Variants in TAOK1 observed in about 807,000 individuals in gnomAD.
TAOK1 encodes the protein TAO kinase 1.
In TAOK1, 21 loss-of-function variants were observed where a neutral mutation model predicts 138.3. That is an observed-to-expected ratio of 0.15 (90% CI 0.11 to 0.22). TAOK1 has a LOEUF of 0.22. Among genes scored for constraint, TAOK1 ranks in the 10% least tolerant of loss-of-function variants. TAOK1 has a pLI of 1.00. For synonymous variants in TAOK1, 361 were observed against 398.4 expected (o/e 0.91, Z 1.12); for missense variants, 651 against 1,227.7 (o/e 0.53, Z 7.02).
At chr17:29,516,251 G>C (rs544765765) in intron 15 of TAOK1, among the ~76,000 whole-genome samples, 1 of 151,970 alleles carries the variant, frequency 6.6e-6, no homozygotes, top group African/African-American at 2.4e-5. Flanking sequence ...GTGAGCCACC[G>C]CGCCCAGCCA....
At chr17:29,400,005 T>C (rs1297106866) in intron 1 of TAOK1, among the ~76,000 whole-genome samples, 2 of 152,162 alleles carry the variant, frequency 1.3e-5, no homozygotes, top group African/African-American at 4.8e-5. Context: ...GTGGTGAGAT[T>C]ATACACAGGA....
At chr17:29,507,810 A>G in intron 13 of TAOK1, 86 bp from the exon 14 acceptor site, 3 of 1,186,432 alleles carry the variant, frequency 2.5e-6, no homozygotes, top group East Asian at 2.5e-5. Context: ...CTAATTCCCT[A>G]CTTAGTTAAT....
At chr17:29,529,211 AACAATCCTGCCT>A (rs1215362109) in intron 17 of TAOK1, among the ~76,000 whole-genome samples, 1 of 152,118 alleles carries the variant, frequency 6.6e-6, no homozygotes, top group African/African-American at 2.4e-5. Context: ...CTGGCCTATA[AACAATCCTGCCT>A]TGGCCTCCCA....
At chr17:29,414,450 A>G (rs994200582) in intron 1 of TAOK1, among the ~76,000 whole-genome samples, 1 of 149,832 alleles carries the variant, frequency 6.7e-6, no homozygotes, top group Non-Finnish European at 1.5e-5. Context: ...GGGTTTCACC[A>G]TGTTGGCCGG....
At chr17:29,396,964 C>T (rs72821413) in intron 1 of TAOK1, among the ~76,000 whole-genome samples, 1,595 of 121,120 alleles carry the variant, frequency 0.013, 19 homozygotes, top group Non-Finnish European at 0.016. Flanking sequence ...TGCACTCTAG[C>T]TGGGCAACAG....
Position 29,466,961 on chromosome 17 carries a change from A to C in TAOK1, c.133-184A>C, listed in dbSNP as rs1406704329. ...CTTTGCTTTATTTTCTTTTTAAAGC[A>C]CTAGCTCCAGGATAATTTTATAAGT... On this transcript the variant is annotated intron_variant, in intron 2 of 19. Coordinates refer to ENST00000261716, the MANE Select transcript of TAOK1 (RefSeq NM_020791.4). Among the ~76,000 whole-genome samples, 3 of 152,278 alleles carry C rather than the reference A, an allele frequency of 2.0e-5. No individual in the cohort carries two copies. In the East Asian group the frequency reaches 5.8e-4, roughly 29 times the overall value.
intron 3 of TAOK1, among the ~76,000 whole-genome samples, chr17:29,473,594 C>CAA (rs1421657758): frequency 1.1e-5 from 1 of 94,152 alleles, no homozygotes; most frequent in Non-Finnish European, 2.3e-5. Flanking sequence ...GTGAAACTCT[C>CAA]AAAAAAAAAA....
At chr17:29,405,117 T>A (rs1904955115) in intron 1 of TAOK1, among the ~76,000 whole-genome samples, 1 of 152,066 alleles carries the variant, frequency 6.6e-6, no homozygotes, top group Non-Finnish European at 1.5e-5. Context: ...GTAGCTGAGA[T>A]TACAGGCATG....
intron 6 of TAOK1, among the ~76,000 whole-genome samples, chr17:29,478,972 A>C (rs984757601): frequency 2.6e-5 from 4 of 152,116 alleles, no homozygotes; most frequent in South Asian, 2.1e-4. Flanking sequence ...TGAAAATATG[A>C]AAATTAGCTG....
Position 29,545,066 on chromosome 17 carries a change from A to G in TAOK1, c.*2044A>G, listed in dbSNP as rs547529362. The G allele has an allele frequency of 6.6e-6, 1 of 152,350 alleles. No homozygotes were observed. Among genetic ancestry groups the G allele is most frequent in the South Asian group, 2.1e-4 (1 of 4,826 alleles). 9.4% of individuals were successfully genotyped at this position (152,350 alleles called of 1,614,324 possible). A position where few individuals can be genotyped will look rare whatever the true frequency, so the allele number is the denominator to read the frequency against. On this transcript the variant is annotated 3_prime_UTR_variant, in exon 20 of 20. Coordinates refer to ENST00000261716, the MANE Select transcript of TAOK1 (RefSeq NM_020791.4). ...AAATGTTTTTAAAACCAAGATCACCATAGAGTTCACACAAAATTTTAGGCA... is the reference window on the plus strand; with the variant it reads ...AAATGTTTTTAAAACCAAGATCACCGTAGAGTTCACACAAAATTTTAGGCA...
At chr17:29,418,582 T>C (rs747472534) in intron 1 of TAOK1, among the ~76,000 whole-genome samples, 1 of 152,150 alleles carries the variant, frequency 6.6e-6, no homozygotes, top group Non-Finnish European at 1.5e-5. Context: ...AATCCATGAA[T>C]GCCTAAGTCA....
At chr17:29,489,054 G>A (rs902201365) in intron 8 of TAOK1, among the ~76,000 whole-genome samples, 10 of 152,146 alleles carry the variant, frequency 6.6e-5, no homozygotes, top group Admixed American at 2.6e-4. Context: ...ATGTAGTGTA[G>A]TCTTATATCA....
intron 3 of TAOK1, among the ~76,000 whole-genome samples, chr17:29,473,077 GCCTTAAAATA>G (rs1411412105): frequency 6.6e-6 from 1 of 152,140 alleles, no homozygotes; most frequent in Non-Finnish European, 1.5e-5. Context: ...CTCAACCGTG[GCCTTAAAATA>G]TTCACTAAAC....
chr17:29,497,590 A>G (rs996508477), intron 11 of TAOK1, among the ~76,000 whole-genome samples: 2 of 152,054 alleles, frequency 1.3e-5, no homozygotes, highest in Non-Finnish European at 2.9e-5. Context: ...AAACATTCTT[A>G]TGATTGTGAT....
chr17:29,448,993 T>C (rs2030165782), intron 1 of TAOK1, among the ~76,000 whole-genome samples: 1 of 152,164 alleles, frequency 6.6e-6, no homozygotes, highest in Non-Finnish European at 1.5e-5. Context: ...GCAAACATTA[T>C]GACATTTAAT....
At chr17:29,434,835 T>C (rs1206778205) in intron 1 of TAOK1, among the ~76,000 whole-genome samples, 2 of 152,188 alleles carry the variant, frequency 1.3e-5, no homozygotes, top group Non-Finnish European at 2.9e-5. Flanking sequence ...TTCCTAGGGC[T>C]TTGACCTGAA....
chr17:29,450,752 G>A (rs2030210764), intron 1 of TAOK1, among the ~76,000 whole-genome samples: 1 of 152,148 alleles, frequency 6.6e-6, no homozygotes, highest in Non-Finnish European at 1.5e-5. Context: ...CTGGTCTCAA[G>A]CGATCCTCCT....
intron 3 of TAOK1, 64 bp downstream of exon 3, chr17:29,467,280 C>T: frequency 1.2e-5 from 11 of 889,128 alleles, no homozygotes; most frequent in Admixed American, 2.6e-5. Context: ...TATATACATT[C>T]TTTTTTTTTT....
At chr17:29,538,802 AACAAC>A (rs1293797820) in intron 19 of TAOK1, among the ~76,000 whole-genome samples, 1 of 152,236 alleles carries the variant, frequency 6.6e-6, no homozygotes, top group African/African-American at 2.4e-5. Context: ...ATTTTTAGAT[AACAAC>A]ACAACTATAA....
Sources: allele counts gnomAD v4.1 joint callset (sites outside exome capture counted in the v4.1 genomes callset), GRCh38; gene constraint gnomAD v4.1.1; transcripts MANE v1.5; gene names NCBI Gene and HGNC (gene_info 2026-07-23, HGNC 2026-07-21).